ODAD2: variants seen among roughly 807,000 people sequenced by gnomAD.
ODAD2 encodes the protein outer dynein arm docking complex subunit 2, also known as outer dynein arm-docking complex subunit 2.
A neutral mutation model predicts 106.8 loss-of-function variants in ODAD2; 89 were observed. That is an observed-to-expected ratio of 0.83 (90% confidence interval 0.70 to 0.99). ODAD2 has a LOEUF of 0.99. Ranked by LOEUF, ODAD2 falls within the 50% of genes least tolerant of loss-of-function variation. The pLI is 0.00. For synonymous variants in ODAD2, 404 were observed against 436.2 expected, an observed-to-expected ratio of 0.93 and a Z score of 0.92; for missense variants, 1,168 against 1,238.5, an observed-to-expected ratio of 0.94 and a Z score of 0.85.
chr10:27,942,140 T>C (rs1846502370), intron 12 of ODAD2, among the ~76,000 whole-genome samples: 1 of 152,192 alleles, frequency 6.6e-6, no homozygotes, highest in Non-Finnish European at 1.5e-5. Context: ...GCCCGTAGCA[T>C]TTGTGACTGT....
At chr10:27,843,449 T>C (rs138323842) in intron 19 of ODAD2, among the ~76,000 whole-genome samples, 6 of 152,300 alleles carry the variant, frequency 3.9e-5, no homozygotes, top group African/African-American at 1.4e-4. Flanking sequence ...ATATTCCTGA[T>C]TACCTGAGAG....
chr10:27,961,233 T>C (rs1848116702), intron 10 of ODAD2, among the ~76,000 whole-genome samples: 1 of 151,904 alleles, frequency 6.6e-6, no homozygotes, highest in African/African-American at 2.4e-5. Context: ...CAGCCTGGAG[T>C]TTAACCGAAG....
In ODAD2 at chr10:27,815,419, G is replaced by C. The variant is rs141528740; in HGVS notation, c.3022-2794C>G. ...GAGTTGTCTGGAATTCCTATCTCCAGTCTTAAATTCCATCCCACTGACTCC... is the reference window on the plus strand; with the variant it reads ...GAGTTGTCTGGAATTCCTATCTCCACTCTTAAATTCCATCCCACTGACTCC... On this transcript the variant is annotated intron_variant, in intron 19 of 19. Coordinates refer to ENST00000305242, the MANE Select transcript of ODAD2 (RefSeq NM_018076.5). Among the ~76,000 whole-genome samples, 84 of 152,284 alleles carry C rather than the reference G, an allele frequency of 5.5e-4. 1 individual carries two copies. The Middle Eastern group carries it at 0.014, about 25-fold the overall frequency.
intron 17 of ODAD2, among the ~76,000 whole-genome samples, chr10:27,879,928 C>A (rs1199564526): frequency 6.6e-6 from 1 of 152,180 alleles, no homozygotes; most frequent in Non-Finnish European, 1.5e-5. Context: ...GAGGCCTACT[C>A]TCTCATTTAT....
intron 17 of ODAD2, among the ~76,000 whole-genome samples, chr10:27,898,378 C>T (rs746941462): frequency 2.6e-5 from 4 of 152,048 alleles, no homozygotes; most frequent in Non-Finnish European, 5.9e-5. Flanking sequence ...TTTATGTGAA[C>T]CCTTAGGTGT....
intron 10 of ODAD2, chr10:27,957,155 A>G (rs1315961660): frequency 1.3e-5 from 2 of 152,244 alleles, no homozygotes; most frequent in Non-Finnish European, 2.9e-5. Flanking sequence ...TAATATCCAT[A>G]TAAAGTCAGC....
At chr10:27,981,638 C>T (rs1239195631) in intron 6 of ODAD2, 56 bp from the exon 7 acceptor site, 25 of 1,185,446 alleles carry the variant, frequency 2.1e-5, no homozygotes, top group Non-Finnish European at 3.0e-5. Context: ...TTGTAAGAAG[C>T]TGATCAATAC....
chr10:27,932,171 A>G (rs1845660507), intron 16 of ODAD2, among the ~76,000 whole-genome samples: 2 of 152,128 alleles, frequency 1.3e-5, no homozygotes, highest in African/African-American at 4.8e-5. Context: ...CCTGGCCTCC[A>G]GCAATCCTTC....
chr10:27,927,568 T>TGGGAC (rs1168600031), intron 16 of ODAD2, among the ~76,000 whole-genome samples: 2 of 152,176 alleles, frequency 1.3e-5, no homozygotes, highest in Non-Finnish European at 1.5e-5. Flanking sequence ...AAAACACACG[T>TGGGAC]GGGACGCCTA....
At chr10:27,994,801 G>A (rs1331620270) in intron 2 of ODAD2, 118 bp downstream of exon 2, 2 of 1,087,788 alleles carry the variant, frequency 1.8e-6, no homozygotes, top group East Asian at 5.2e-5. Context: ...TTCATTCCCT[G>A]GTTTAGAGGG....
At chr10:27,979,971 TA>T (rs1380771768) in intron 7 of ODAD2, among the ~76,000 whole-genome samples, 3 of 152,020 alleles carry the variant, frequency 2.0e-5, no homozygotes, top group African/African-American at 7.2e-5. Context: ...CTATTATAAC[TA>T]AAAGAAAGAT....
chr10:27,852,435 T>TA (rs1302235408), intron 19 of ODAD2, among the ~76,000 whole-genome samples: 1 of 152,234 alleles, frequency 6.6e-6, no homozygotes. Context: ...TCTTAAATTA[T>TA]ATGTTTATAT....
In ODAD2 at chr10:27,894,346, C is replaced by T. The variant is rs555092034; in HGVS notation, c.2610+13317G>A. On this transcript the variant is annotated intron_variant, in intron 17 of 19. Transcript: ENST00000305242. ...AAATTCCAAGTACACATAACCTCCA[C>T]GGATATACATTTACATGTATCTTTG... Among the ~76,000 whole-genome samples the T allele has an allele frequency of 7.2e-5, 11 of 152,032 alleles. No homozygotes were observed. In the South Asian group the frequency reaches 1.5e-3, roughly 20 times the overall value.
At chr10:27,894,255 AAATTC>A (rs1201210751) in intron 17 of ODAD2, among the ~76,000 whole-genome samples, 1 of 152,202 alleles carries the variant, frequency 6.6e-6, no homozygotes, top group African/African-American at 2.4e-5. Context: ...TGAAAATGCT[AAATTC>A]AATATAACCA....
intron 2 of ODAD2, among the ~76,000 whole-genome samples, chr10:27,993,824 G>A (rs1015462125): frequency 5.3e-5 from 8 of 152,120 alleles, no homozygotes; most frequent in Non-Finnish European, 1.0e-4. Context: ...AAGGGAAAAG[G>A]CATCTACAGG....
chr10:27,833,673 A>G (rs1447682315), intron 19 of ODAD2, among the ~76,000 whole-genome samples: 1 of 152,208 alleles, frequency 6.6e-6, no homozygotes, highest in South Asian at 2.1e-4. Context: ...CATTCAACAA[A>G]TATCTGCTAT....
chr10:27,895,832 C>A (rs919664120), intron 17 of ODAD2, among the ~76,000 whole-genome samples: 2 of 152,188 alleles, frequency 1.3e-5, no homozygotes, highest in Non-Finnish European at 2.9e-5. Context: ...CCTTTCTGAG[C>A]ACATGACCTC....
intron 19 of ODAD2, among the ~76,000 whole-genome samples, chr10:27,844,289 A>AAATGG (rs1838543660): frequency 6.6e-6 from 1 of 152,208 alleles, no homozygotes; most frequent in Non-Finnish European, 1.5e-5. Context: ...CTGAAAAGAG[A>AAATGG]AATGGAGCCC....
intron 19 of ODAD2, among the ~76,000 whole-genome samples, chr10:27,815,304 T>G (rs1836043528): frequency 6.6e-6 from 1 of 152,222 alleles, no homozygotes; most frequent in South Asian, 2.1e-4. Context: ...CATTATCATT[T>G]AAACACGTCT....
Sources: gnomAD v4.1 joint callset for allele counts (sites outside exome capture counted in the v4.1 genomes callset) on GRCh38, gnomAD v4.1.1 for gene constraint, MANE v1.5 for transcripts, NCBI Gene and HGNC (gene_info 2026-07-23, HGNC 2026-07-21) for gene names.